The following ADAMTS3 variants were observed in gnomAD, a reference collection of about 807,000 sequenced individuals.
The protein encoded by ADAMTS3 is A disintegrin and metalloproteinase with thrombospondin motifs 3.
Under a neutral mutation model 129.0 loss-of-function variants are expected in ADAMTS3, and 73 were observed. The ratio of observed to expected loss-of-function variants is 0.57; its 90% CI spans 0.47 to 0.69. The LOEUF (loss-of-function observed/expected upper bound fraction) is 0.69. Among genes scored for constraint, ADAMTS3 ranks in the 30% least tolerant of loss-of-function variants. ADAMTS3 has a pLI of 0.00. For missense variants in ADAMTS3, 1,457 were observed against 1,514.5 expected, an observed-to-expected ratio of 0.96 and a Z score of 0.63; for synonymous variants, 477 against 510.8, an observed-to-expected ratio of 0.93 and a Z score of 0.89.
intron 4 of ADAMTS3, among the ~76,000 whole-genome samples, chr4:72,401,359 G>A (rs969920253): frequency 6.6e-6 from 1 of 151,764 alleles, no homozygotes; most frequent in Non-Finnish European, 1.5e-5. Flanking sequence ...CTGAGGTCTG[G>A]AGTTCAAGAC....
At chr4:72,305,895 T>C in intron 16 of ADAMTS3, 92 bp downstream of exon 16, 1 of 1,059,058 alleles carries the variant, frequency 9.4e-7, no homozygotes, top group Non-Finnish European at 1.4e-6. Flanking sequence ...CACATATATG[T>C]GTACATATAT....
Position 72,477,711 on chromosome 4 carries a change from T to C in ADAMTS3, c.505-62740A>G, listed in dbSNP as rs902896177. ...AAAATCAGAGCAGAACTGAAGGAAATAGAGACACAAAAAACCCTTCAAAAA... is the reference window on the plus strand; with the variant it reads ...AAAATCAGAGCAGAACTGAAGGAAACAGAGACACAAAAAACCCTTCAAAAA... On this transcript the variant is annotated intron_variant, in intron 3 of 21. Transcript: ENST00000286657. 3.8e-4 allele frequency among the ~76,000 whole-genome samples: 57 copies of C among 151,386 alleles called. 1 individual carries two copies. The highest frequency in any genetic ancestry group is 1.3e-3 in the African/African-American group (55 of 41,228).
At chr4:72,559,775 A>C (rs1721856216) in intron 2 of ADAMTS3, among the ~76,000 whole-genome samples, 1 of 151,898 alleles carries the variant, frequency 6.6e-6, no homozygotes, top group South Asian at 2.1e-4. Flanking sequence ...TGGCAAAGTA[A>C]TTTATGGATT....
chr4:72,466,886 G>A (rs1005888764), intron 3 of ADAMTS3, among the ~76,000 whole-genome samples: 2 of 151,976 alleles, frequency 1.3e-5, no homozygotes, highest in African/African-American at 4.8e-5. Flanking sequence ...TTCCAGCTAT[G>A]CGGTCTTAGT....
intron 3 of ADAMTS3, among the ~76,000 whole-genome samples, chr4:72,469,884 T>C (rs1244775944): frequency 1.3e-5 from 2 of 152,282 alleles, no homozygotes; most frequent in East Asian, 1.9e-4. Context: ...GTATATAATA[T>C]ATACAACATA....
At chr4:72,346,621 G>A (rs950811002) in intron 4 of ADAMTS3, among the ~76,000 whole-genome samples, 3 of 152,020 alleles carry the variant, frequency 2.0e-5, no homozygotes, top group Non-Finnish European at 2.9e-5. Context: ...ATAAAATAAA[G>A]TATTTTTTGT....
chr4:72,426,846 A>T (rs1216366128), intron 3 of ADAMTS3, among the ~76,000 whole-genome samples: 2 of 152,110 alleles, frequency 1.3e-5, no homozygotes, highest in Admixed American at 1.3e-4. Context: ...GTGAGCCATG[A>T]TTGCACCACT....
At chr4:72,408,762 TA>T (rs1260413261) in intron 4 of ADAMTS3, among the ~76,000 whole-genome samples, 2 of 148,332 alleles carry the variant, frequency 1.3e-5, no homozygotes. Context: ...TATGCAGCCA[TA>T]AAAAAGGATG....
At chr4:72,546,204 T>C (rs570230605) in intron 3 of ADAMTS3, among the ~76,000 whole-genome samples, 2 of 152,124 alleles carry the variant, frequency 1.3e-5, no homozygotes, top group Non-Finnish European at 2.9e-5. Context: ...GATGTGACTA[T>C]CAGATATTTT....
At chr4:72,552,394 A>G (rs1438610803) in intron 2 of ADAMTS3, among the ~76,000 whole-genome samples, 1 of 152,208 alleles carries the variant, frequency 6.6e-6, no homozygotes. Context: ...ACTCATTAAA[A>G]TAATGTTGTG....
At chr4:72,458,517 G>T (rs1410235955) in intron 3 of ADAMTS3, among the ~76,000 whole-genome samples, 1 of 151,596 alleles carries the variant, frequency 6.6e-6, no homozygotes, top group Non-Finnish European at 1.5e-5. Flanking sequence ...AATAAATGCA[G>T]ATGACAAGGT....
chr4:72,493,548 T>C (rs143115595), intron 3 of ADAMTS3, among the ~76,000 whole-genome samples: 64 of 152,020 alleles, frequency 4.2e-4, no homozygotes, highest in African/African-American at 1.4e-3. Flanking sequence ...AGAGTGTGCT[T>C]CATATCATAC....
At chr4:72,303,155 T>C (rs1169487502) in intron 17 of ADAMTS3, among the ~76,000 whole-genome samples, 2 of 152,108 alleles carry the variant, frequency 1.3e-5, no homozygotes, top group Non-Finnish European at 2.9e-5. Context: ...CTCTCTTCTG[T>C]GCTGCTGAAT....
At chr4:72,537,324 T>C (rs1721206551) in intron 3 of ADAMTS3, among the ~76,000 whole-genome samples, 1 of 152,212 alleles carries the variant, frequency 6.6e-6, no homozygotes, top group African/African-American at 2.4e-5. Context: ...GTGATAGCCT[T>C]TTTTGTTACT....
chr4:72,395,288 T>A (rs1578642148), intron 4 of ADAMTS3, among the ~76,000 whole-genome samples: 1 of 152,176 alleles, frequency 6.6e-6, no homozygotes, highest in East Asian at 1.9e-4. Flanking sequence ...TTTCCACAAA[T>A]TTTAAAAATG....
intron 2 of ADAMTS3, among the ~76,000 whole-genome samples, 187 bp from the exon 3 acceptor site, chr4:72,549,071 CCT>C (rs1560563272): frequency 6.6e-6 from 1 of 151,920 alleles, no homozygotes; most frequent in Non-Finnish European, 1.5e-5. Flanking sequence ...TTTAAGTAAC[CCT>C]GTGTTCAATG....
At chr4:72,535,474 T>C (rs925756675) in intron 3 of ADAMTS3, among the ~76,000 whole-genome samples, 4 of 152,174 alleles carry the variant, frequency 2.6e-5, no homozygotes, top group Non-Finnish European at 5.9e-5. Context: ...TCTATAAATA[T>C]CTTCTACTTT....
chr4:72,475,993 C>T (rs768197994), intron 3 of ADAMTS3, among the ~76,000 whole-genome samples: 6 of 151,916 alleles, frequency 3.9e-5, no homozygotes, highest in Non-Finnish European at 8.8e-5. Context: ...GAGTAATTTA[C>T]AGCATGCAAT....
At chr4:72,393,994 C>T (rs1165982005) in intron 4 of ADAMTS3, among the ~76,000 whole-genome samples, 2 of 152,200 alleles carry the variant, frequency 1.3e-5, no homozygotes, top group African/African-American at 2.4e-5. Flanking sequence ...TAAATACCAG[C>T]TCACTCTTTT....
Sources: gnomAD v4.1 joint callset for allele counts (sites outside exome capture counted in the v4.1 genomes callset) on GRCh38, gnomAD v4.1.1 for gene constraint, MANE v1.5 for transcripts, NCBI Gene and HGNC (gene_info 2026-07-23, HGNC 2026-07-21) for gene names.